The following PLEKHS1 variants were observed in gnomAD, a reference collection of about 807,000 sequenced individuals.
The protein encoded by PLEKHS1 is pleckstrin homology domain-containing family S member 1.
Under a neutral mutation model 51.0 loss-of-function variants are expected in PLEKHS1, and 55 were observed. That is an observed-to-expected ratio of 1.08 (90% CI 0.87 to 1.35). The LOEUF (loss-of-function observed/expected upper bound fraction) is 1.35, where lower values mean the gene tolerates loss of function less well. PLEKHS1 is among the 40% of genes most tolerant of loss of function. The probability of loss-of-function intolerance (pLI) is 0.00; values close to 1 mark genes in which losing one functional copy is unlikely to be tolerated. For synonymous variants in PLEKHS1, 153 were observed against 144.8 expected, an observed-to-expected ratio of 1.06 and a Z score of -0.41; for missense variants, 398 against 423.0, an observed-to-expected ratio of 0.94 and a Z score of 0.52.
At position 113,766,501 on chromosome 10, in the gene PLEKHS1, T is replaced by C. The variant is rs1001865562; in HGVS notation, c.117+2T>C. ...CCTTCTCAGCTGTTCTCCTCTGTGG[T>C]AAGTATTTGCTGTGATTTAACAAGC... On this transcript the variant is annotated splice_donor_variant, in intron 3 of 11. Coordinates refer to ENST00000361048, the Ensembl canonical transcript of PLEKHS1. LOFTEE classifies it high-confidence loss of function. 4 of 1,599,128 alleles carry C rather than the reference T, an allele frequency of 2.5e-6. No individual in the cohort carries two copies. The highest frequency in any genetic ancestry group is 3.4e-6 in the Non-Finnish European group (4 of 1,167,800).
At chr10:113,782,305 A>G (rs1231443282) in exon 12 of PLEKHS1, 4 of 152,236 alleles carry the variant, frequency 2.6e-5, no homozygotes, top group Non-Finnish European at 5.9e-5. Flanking sequence ...AAATGTCCAG[A>G]TGCCAGCCTC....
chr10:113,762,725 C>T (rs1326915619), intron 2 of PLEKHS1, among the ~76,000 whole-genome samples: 1 of 151,402 alleles, frequency 6.6e-6, no homozygotes, highest in Non-Finnish European at 1.5e-5. Flanking sequence ...GTTTTATGGC[C>T]CAGAATACAT....
chr10:113,752,326 T>C (rs570753034), intron 1 of PLEKHS1, among the ~76,000 whole-genome samples: 26 of 152,370 alleles, frequency 1.7e-4, no homozygotes, highest in African/African-American at 6.0e-4. Context: ...AGATTTTATA[T>C]GTATATGTGA....
At position 113,771,969 on chromosome 10, in the gene PLEKHS1, G is replaced by A; in HGVS notation, c.553-1G>A. The A allele has an allele frequency of 6.2e-7, 1 of 1,608,522 alleles. No individual in the cohort carries two copies. The highest frequency in any genetic ancestry group is 1.7e-4 in the Middle Eastern group (1 of 6,042). On this transcript the variant is annotated splice_acceptor_variant, in intron 7 of 11. Transcript: ENST00000361048. LOFTEE classifies it high-confidence loss of function. ...AAAGCATTTTTATCTCTTTTCTTCA[G>A]CATTTAATGGAACAAAGTTCTCCAG...
chr10:113,772,078 G>T (rs1458211771), exon 8 of PLEKHS1: 1 of 1,611,942 alleles, frequency 6.2e-7, no homozygotes. Context: ...TCCTCGAAGT[G>T]TTCTTTTAGA....
At chr10:113,757,200 C>A (rs911200124) in intron 2 of PLEKHS1, among the ~76,000 whole-genome samples, 1 of 152,096 alleles carries the variant, frequency 6.6e-6, no homozygotes, top group African/African-American at 2.4e-5. Flanking sequence ...GGCATGAGCA[C>A]CGCACTGTTG....
chr10:113,751,873 T>C (rs767923552), intron 1 of PLEKHS1, 112 bp downstream of exon 1: 3 of 152,158 alleles, frequency 2.0e-5, no homozygotes, highest in Non-Finnish European at 2.9e-5. Context: ...GCAGATATGC[T>C]GTATTTCTGT....
chr10:113,758,900 G>A (rs571041466), intron 2 of PLEKHS1, among the ~76,000 whole-genome samples: 1 of 152,130 alleles, frequency 6.6e-6, no homozygotes, highest in Non-Finnish European at 1.5e-5. Flanking sequence ...TTGAGATATT[G>A]CAAGAATTGC....
intron 11 of PLEKHS1, among the ~76,000 whole-genome samples, chr10:113,776,182 G>A (rs1429589590): frequency 6.6e-6 from 1 of 152,048 alleles, no homozygotes; most frequent in Non-Finnish European, 1.5e-5. Context: ...TCCAATCACT[G>A]TACAATGAGT....
At chr10:113,765,986 C>T (rs1447353687) in intron 2 of PLEKHS1, among the ~76,000 whole-genome samples, 1 of 152,236 alleles carries the variant, frequency 6.6e-6, no homozygotes, top group Admixed American at 6.5e-5. Flanking sequence ...TTTCCAACTT[C>T]TGCAGCAACT....
chr10:113,772,112 T>C, intron 8 of PLEKHS1, 23 bp downstream of exon 8: 1 of 1,609,594 alleles, frequency 6.2e-7, no homozygotes, highest in Admixed American at 1.7e-5. Context: ...TGTCCATTCA[T>C]CATTTGTTTC....
chr10:113,775,034 A>G (rs539983567), exon 10 of PLEKHS1: 1 of 1,613,564 alleles, frequency 6.2e-7, no homozygotes, highest in Admixed American at 1.7e-5. Context: ...TATATTAATC[A>G]AGTAAAGCTC....
At chr10:113,753,496 C>G (rs777321829) in intron 1 of PLEKHS1, among the ~76,000 whole-genome samples, 1 of 152,198 alleles carries the variant, frequency 6.6e-6, no homozygotes, top group Non-Finnish European at 1.5e-5. Context: ...GGCATTATAG[C>G]TCATTGCACA....
At chr10:113,780,674 A>G (rs2134596081) in exon 12 of PLEKHS1, 1 of 1,613,836 alleles carries the variant, frequency 6.2e-7, no homozygotes, top group Non-Finnish European at 8.5e-7. Flanking sequence ...GTGTCCCTCA[A>G]AATGCCAAAG....
chr10:113,773,538 T>C (rs975834604), intron 8 of PLEKHS1, among the ~76,000 whole-genome samples: 6 of 152,072 alleles, frequency 3.9e-5, no homozygotes, highest in African/African-American at 1.2e-4. Context: ...CAGCCAGGCC[T>C]GAACATGATT....
At chr10:113,780,921 A>G (rs906447484) in exon 12 of PLEKHS1, 2 of 738,088 alleles carry the variant, frequency 2.7e-6, no homozygotes, top group African/African-American at 1.8e-5. Flanking sequence ...GGGGATGACT[A>G]TCCCCTCTCT....
chr10:113,755,629 TC>T (rs1854073954), intron 2 of PLEKHS1, among the ~76,000 whole-genome samples: 1 of 152,076 alleles, frequency 6.6e-6, no homozygotes, highest in Admixed American at 6.6e-5. Flanking sequence ...GGTCTCAAAC[TC>T]CCGGCCTAGG....
In PLEKHS1 at chr10:113,774,152, G is replaced by A. The variant is rs1016001346; in HGVS notation, c.673-75G>A. On this transcript the variant is annotated intron_variant, in intron 8 of 11. Coordinates refer to ENST00000361048, the Ensembl canonical transcript of PLEKHS1. ...TACCTCTATGTCAGAGCCCAGAGCT[G>A]TTAATACTAGAAATAAGAAGGTACC... 6 of 860,924 alleles carry A rather than the reference G, an allele frequency of 7.0e-6. No homozygotes were observed. The African/African-American group carries it at 8.7e-5, about 12-fold the overall frequency. The allele number at this position is 860,924 out of a possible 1,614,324, so 53.3% of individuals were successfully genotyped here.
intron 1 of PLEKHS1, among the ~76,000 whole-genome samples, chr10:113,753,459 G>T (rs769439614): frequency 6.6e-6 from 1 of 152,154 alleles, no homozygotes; most frequent in Non-Finnish European, 1.5e-5. Flanking sequence ...AACAGCCTTC[G>T]GCCTCAATAG....
Sources: allele counts gnomAD v4.1 joint callset (sites outside exome capture counted in the v4.1 genomes callset), GRCh38; gene constraint gnomAD v4.1.1; transcripts MANE v1.5; gene names NCBI Gene and HGNC (gene_info 2026-07-23, HGNC 2026-07-21).